The following DNALI1 variants were observed in gnomAD, a reference collection of about 807,000 sequenced individuals.
The protein encoded by DNALI1 is dynein axonemal light intermediate chain 1, also known as axonemal dynein light intermediate polypeptide 1.
Under a neutral mutation model 33.9 loss-of-function variants are expected in DNALI1, and 31 were observed. That is an observed-to-expected ratio of 0.91 (90% CI 0.69 to 1.23). The LOEUF (loss-of-function observed/expected upper bound fraction) is 1.23. DNALI1 is among the 50% of genes most tolerant of loss of function. The pLI is 0.00. For missense variants in DNALI1, 305 were observed against 323.8 expected, an observed-to-expected ratio of 0.94 and a Z score of 0.44; for synonymous variants, 117 against 129.2, an observed-to-expected ratio of 0.91 and a Z score of 0.64.
At position 37,565,174 on chromosome 1, in the gene DNALI1, G is replaced by A. The variant is rs1377222483; in HGVS notation, c.*113G>A. On this transcript the variant is annotated 3_prime_UTR_variant, in exon 6 of 6. Coordinates refer to ENST00000652629, the MANE Select transcript of DNALI1 (RefSeq NM_003462.5). ...TTGTAATAAAAAGCTAGTTTCCTGA[G>A]TGAACAAGCCATAACCTCCCCTAAA... The A allele has an allele frequency of 2.4e-6, 3 of 1,240,528 alleles. No individual in the cohort carries two copies. In the East Asian group the frequency reaches 7.5e-5, roughly 31 times the overall value. The allele number at this position is 1,240,528 out of a possible 1,614,324, so 76.8% of individuals were successfully genotyped here.
chr1:37,564,859 G>A (rs1643481651), intron 5 of DNALI1, among the ~76,000 whole-genome samples, 167 bp from the exon 6 acceptor site: 1 of 152,176 alleles, frequency 6.6e-6, no homozygotes, highest in South Asian at 2.1e-4. Flanking sequence ...TGTATGCCAA[G>A]CTAGAAACTA....
Position 37,556,949 on chromosome 1 carries a change from C to T in DNALI1, c.-46C>T, listed in dbSNP as rs1480962544. 9 of 1,614,098 alleles carry T rather than the reference C, an allele frequency of 5.6e-6. No individual in the cohort carries two copies. The highest frequency in any genetic ancestry group is 1.7e-5 in the Admixed American group (1 of 60,016). On this transcript the variant is annotated 5_prime_UTR_variant, in exon 1 of 6. Coordinates refer to ENST00000652629, the MANE Select transcript of DNALI1 (RefSeq NM_003462.5). ...TTTCCATGGTGACGGCAAACAAGGC[C>T]CACACTGGACAGGGCAGCTGCTGGG...
Position 37,563,228 on chromosome 1 carries a change from A to G in DNALI1, c.741+983A>G, listed in dbSNP as rs139024103. 5.3e-3 allele frequency among the ~76,000 whole-genome samples: 803 copies of G among 152,318 alleles called. 10 individuals are homozygous for G. Among genetic ancestry groups the G allele is most frequent in the African/African-American group, 0.018 (768 of 41,566 alleles). On this transcript the variant is annotated intron_variant, in intron 5 of 5. Coordinates refer to ENST00000652629, the MANE Select transcript of DNALI1 (RefSeq NM_003462.5). ...GCAGGACTGGCCATTTGCGATAAAG[A>G]AGGCTTTCTGTTAACCACTACTGGA...
In DNALI1 at chr1:37,559,311, G is replaced by GC. The variant is rs765722249; in HGVS notation, c.228-15dup. On this transcript the variant is annotated splice_polypyrimidine_tract_variant and intron_variant, in intron 2 of 5. Transcript: ENST00000652629. The surrounding 1 kb of genome is among the most constrained non-coding windows in gnomAD (Gnocchi z 5.3). ...AAGTCAACGGGTTTTGCTCAGCCTC[G>GC]CTGTGTCTGCCACAGGGAGTGGGTG... is the stretch of plus-strand genomic sequence containing the variant. 6.2e-5 allele frequency: 98 copies of GC among 1,574,512 alleles called. No homozygotes were observed. In the African/African-American group the frequency reaches 1.2e-3, roughly 19 times the overall value.
Position 37,566,815 on chromosome 1 carries a change from CT to C in DNALI1, c.*1755del. ...GGCAGGAAGAAAACACAATTTCTAA[CT>C]GCCTGTTTTTGTATAATTTAATAAA... On this transcript the variant is annotated 3_prime_UTR_variant, in exon 6 of 6. Coordinates refer to ENST00000652629, the MANE Select transcript of DNALI1 (RefSeq NM_003462.5). The C allele has an allele frequency of 1.3e-6, 2 of 1,578,582 alleles. No homozygotes were observed. Among genetic ancestry groups the C allele is most frequent in the Non-Finnish European group, 1.7e-6 (2 of 1,150,714 alleles).
In DNALI1 at chr1:37,561,539, G is replaced by C. The variant is rs896589802; in HGVS notation, c.398-18G>C. Reference sequence around the variant, plus strand: ...TCCCCACGCCCTGTCTGATCTCATGGTGTGTGTGCATTGGAAGATGAGTTG... The same window carrying C: ...TCCCCACGCCCTGTCTGATCTCATGCTGTGTGTGCATTGGAAGATGAGTTG... On this transcript the variant is annotated intron_variant, in intron 3 of 5. Coordinates refer to ENST00000652629, the MANE Select transcript of DNALI1 (RefSeq NM_003462.5). This position sits in a 1 kb window ranked among gnomAD's most constrained non-coding sequence, Gnocchi z 4.6. 8 of 1,612,592 alleles carry C rather than the reference G, an allele frequency of 5.0e-6. No individual in the cohort carries two copies. The highest frequency in any genetic ancestry group is 5.9e-6 in the Non-Finnish European group (7 of 1,179,162).
Position 37,565,056 on chromosome 1 carries a change from A to C in DNALI1, c.772A>C (p.Lys258Gln). ...ACTGGAAGGCATTATTGCACCAAAG[A>C]AGTGATAATTTCCACATGATTAATT... ...AQLEGIIAPK[K>Q] Residue 258 changes from lysine (K) to glutamine (Q), a missense_variant, in exon 6 of 6, where the codon AAG becomes CAG. By Grantham distance (53) the Lys-to-Gln change is moderately conservative. Coordinates refer to ENST00000652629, the MANE Select transcript of DNALI1 (RefSeq NM_003462.5). The C allele has an allele frequency of 6.2e-7, 1 of 1,614,180 alleles. No homozygotes were observed. Among genetic ancestry groups the C allele is most frequent in the Non-Finnish European group, 8.5e-7 (1 of 1,180,016 alleles).
In DNALI1 at chr1:37,562,501, C is replaced by T. The variant is rs1229383128; in HGVS notation, c.741+256C>T. Among the ~76,000 whole-genome samples, 1 of 152,120 alleles carries T rather than the reference C, an allele frequency of 6.6e-6. No homozygotes were observed. On this transcript the variant is annotated intron_variant, in intron 5 of 5. Transcript: ENST00000652629. The surrounding 1 kb of genome is among the most constrained non-coding windows in gnomAD (Gnocchi z 5.8). ...TTCTCCCTGGAAAAAAGTTGCCCAT[C>T]CTCAAGGAAGAGGTGGATATGGCAA... is the stretch of plus-strand genomic sequence containing the variant.
chr1:37,566,647 A>G lies in DNALI1; in HGVS notation c.*1586A>G, dbSNP rs1643505150. On this transcript the variant is annotated 3_prime_UTR_variant, in exon 6 of 6. Coordinates refer to ENST00000652629, the MANE Select transcript of DNALI1 (RefSeq NM_003462.5). ...ACTGTGGAACCTCTTAGTTCATCCA[A>G]AGTCTACCTGAAGTGCTAGACTTTC... 1.8e-6 allele frequency: 1 copy of G among 552,672 alleles called. No homozygotes were observed. The highest frequency in any genetic ancestry group is 1.9e-5 in the African/African-American group (1 of 52,666). 34.2% of individuals were successfully genotyped at this position (552,672 alleles called of 1,614,324 possible).
rs752942593 is a variant in DNALI1 at position 37,559,364 on chromosome 1, G to A, written c.265G>A (p.Val89Met). Residue 89 changes from valine to methionine, a missense_variant, in exon 3 of 6, where the codon GTG (valine) becomes ATG (methionine). Val to Met is a conservative substitution (Grantham distance 21). Transcript: ENST00000652629. This position sits in a 1 kb window ranked among gnomAD's most constrained non-coding sequence, Gnocchi z 5.3. Reference sequence around the variant, plus strand: ...AGACACGCAGCTATGGATCCAGCAGGTGTCCAGCACCCCTAGCACCAGGAT... The same window carrying A: ...AGACACGCAGCTATGGATCCAGCAGATGTCCAGCACCCCTAGCACCAGGAT... Reference protein sequence around the residue: ...VEDTQLWIQQVSSTPSTRMDV... With the variant: ...VEDTQLWIQQMSSTPSTRMDV... 6 of 1,611,050 alleles carry A rather than the reference G, an allele frequency of 3.7e-6. No homozygotes were observed. The highest frequency in any genetic ancestry group is 1.1e-5 in the South Asian group (1 of 90,700).
At chr1:37,557,858 A>C in intron 2 of DNALI1, 110 bp downstream of exon 2, 1 of 1,472,044 alleles carries the variant, frequency 6.8e-7, no homozygotes, top group Non-Finnish European at 9.3e-7. Flanking sequence ...GTTTCCTCCC[A>C]GTATCACAGA....
Position 37,561,598 on chromosome 1 carries a change from G to C in DNALI1, c.439G>C (p.Gly147Arg). The change falls in exon 4 of 6, where the codon GGG becomes CGG. Residue 147 changes from glycine to arginine, a missense_variant. Transcript: ENST00000652629. This position sits in a 1 kb window ranked among gnomAD's most constrained non-coding sequence, Gnocchi z 4.6. ...REVTINCAER[G>R]LLLLRVRDEI... is the part of the protein sequence containing the mutation. ...GGTCACCATCAACTGTGCGGAGAGG[G>C]GGCTGCTGCTGCTGCGAGTCCGGGA... The C allele has an allele frequency of 3.7e-6, 6 of 1,613,858 alleles. No homozygotes were observed. Among genetic ancestry groups the C allele is most frequent in the Non-Finnish European group, 5.1e-6 (6 of 1,179,924 alleles).
rs1187199921 is a variant in DNALI1 at position 37,559,857 on chromosome 1, A to G, written c.397+361A>G. 6.6e-6 allele frequency among the ~76,000 whole-genome samples: 1 copy of G among 152,218 alleles called. No homozygotes were observed. Among genetic ancestry groups the G allele is most frequent in the Non-Finnish European group, 1.5e-5 (1 of 68,044 alleles). ...TGAGTTTCCTCAGTATTTATTGATT[A>G]CTATTTTCACTATCTCAGCAAGAGG... On this transcript the variant is annotated intron_variant, in intron 3 of 5. Coordinates refer to ENST00000652629, the MANE Select transcript of DNALI1 (RefSeq NM_003462.5). The surrounding 1 kb of genome is among the most constrained non-coding windows in gnomAD (Gnocchi z 5.3).
Position 37,557,056 on chromosome 1 carries a change from C to T in DNALI1, c.62C>T (p.Thr21Met). Residue 21 changes from threonine to methionine, a missense_variant, in exon 1 of 6, where the codon ACG becomes ATG. Transcript: ENST00000652629. ...YDTPVLVSRN[T>M]EKRSPKARLL... ...ACCCCAGTGCTGGTGAGCCGGAACACGGAGAAACGGAGCCCCAAGGTAAAG... is the reference window on the plus strand; with the variant it reads ...ACCCCAGTGCTGGTGAGCCGGAACATGGAGAAACGGAGCCCCAAGGTAAAG... 2 of 1,614,214 alleles carry T rather than the reference C, an allele frequency of 1.2e-6. No homozygotes were observed. Among genetic ancestry groups the T allele is most frequent in the Non-Finnish European group, 1.7e-6 (2 of 1,180,046 alleles).
chr1:37,563,158 A>T (rs1643459949), intron 5 of DNALI1, among the ~76,000 whole-genome samples: 1 of 152,224 alleles, frequency 6.6e-6, no homozygotes, highest in Non-Finnish European at 1.5e-5. Flanking sequence ...CTCAGATAGA[A>T]ACCTTACAAT....
intron 1 of DNALI1, 64 bp from the exon 2 acceptor site, chr1:37,557,539 G>T (rs1335717779): frequency 4.5e-6 from 7 of 1,568,178 alleles, no homozygotes; most frequent in South Asian, 1.2e-5. Flanking sequence ...CAATATACAG[G>T]TTGGGGATGT....
rs561281736 is a variant in DNALI1 at position 37,562,034 on chromosome 1, C to T, written c.577-47C>T. ...CCCTTCCACCCAGGCTCACACCATT[C>T]CATTCACCTGGCGACATCCCAGGAT... On this transcript the variant is annotated intron_variant, in intron 4 of 5. Coordinates refer to ENST00000652629, the MANE Select transcript of DNALI1 (RefSeq NM_003462.5). This position sits in a 1 kb window ranked among gnomAD's most constrained non-coding sequence, Gnocchi z 5.8. 1.2e-6 allele frequency: 2 copies of T among 1,611,976 alleles called. No individual in the cohort carries two copies. Among genetic ancestry groups the T allele is most frequent in the South Asian group, 2.2e-5 (2 of 90,924 alleles).
At position 37,557,030 on chromosome 1, in the gene DNALI1, C is replaced by T. The variant is rs1643379044; in HGVS notation, c.36C>T (p.Asp12=). 1 of 1,614,122 alleles carries T rather than the reference C, an allele frequency of 6.2e-7. No individual in the cohort carries two copies. Residue 12 remains aspartate (D), a synonymous_variant, in exon 1 of 6, where the codon GAC becomes GAT. Transcript: ENST00000652629. ...CCGCAGACTCTTTGCTCAAGTACGA[C>T]ACCCCAGTGCTGGTGAGCCGGAACA... ...IPPADSLLKY[D]TPVLVSRNTE...
Position 37,562,377 on chromosome 1 carries a change from G to C in DNALI1, c.741+132G>C. ...GCACTGCCAAAGGATAAAGGAAGCT[G>C]ACTTTGGTGGTGGGAGAAGGGGAGG... On this transcript the variant is annotated intron_variant, in intron 5 of 5. Transcript: ENST00000652629. The surrounding 1 kb of genome is among the most constrained non-coding windows in gnomAD (Gnocchi z 5.8). The C allele has an allele frequency of 7.9e-7, 1 of 1,265,556 alleles. No homozygotes were observed. The highest frequency in any genetic ancestry group is 1.1e-6 in the Non-Finnish European group (1 of 934,090). The allele number at this position is 1,265,556 out of a possible 1,614,324, so 78.4% of individuals were successfully genotyped here.
Sources: allele counts gnomAD v4.1 joint callset (sites outside exome capture counted in the v4.1 genomes callset), GRCh38; gene constraint gnomAD v4.1.1; non-coding constraint Gnocchi (gnomAD v3.1); transcripts MANE v1.5; gene names NCBI Gene and HGNC (gene_info 2026-07-23, HGNC 2026-07-21).